ASB18: variants seen among roughly 807,000 people sequenced by gnomAD.
ASB18 encodes ankyrin repeat and SOCS box containing 18.
A neutral mutation model predicts 33.4 loss-of-function variants in ASB18; 33 were observed. The observed-to-expected ratio is 0.99, with a 90% CI of 0.75 to 1.32. ASB18 has a LOEUF of 1.32. Ranked by LOEUF, ASB18 falls within the 40% of genes most tolerant of loss-of-function variation. The pLI, the probability that ASB18 is intolerant of heterozygous loss-of-function variation, is 0.00. For synonymous variants in ASB18, 295 were observed against 307.6 expected, an observed-to-expected ratio of 0.96 and a Z score of 0.43; for missense variants, 694 against 655.5, an observed-to-expected ratio of 1.06 and a Z score of -0.64.
At position 236,238,828 on chromosome 2, in the gene ASB18, G is replaced by C. The variant is rs182406731; in HGVS notation, c.329-872C>G. 2.6e-5 allele frequency among the ~76,000 whole-genome samples: 4 copies of C among 152,304 alleles called. No homozygotes were observed. The highest frequency in any genetic ancestry group is 9.6e-5 in the African/African-American group (4 of 41,560). On this transcript the variant is annotated intron_variant, in intron 2 of 5. Coordinates refer to ENST00000409749, the MANE Select transcript of ASB18 (RefSeq NM_212556.4). This position sits in a 1 kb window ranked among gnomAD's most constrained non-coding sequence, Gnocchi z 5.2. Reference sequence around the variant, plus strand: ...GCAGGAAGGCCTTCTGATAATGATGGAAGAATCGATACTGTGGCTGTAATG... The same window carrying C: ...GCAGGAAGGCCTTCTGATAATGATGCAAGAATCGATACTGTGGCTGTAATG...
chr2:236,254,525 T>C (rs537699602), intron 1 of ASB18, among the ~76,000 whole-genome samples: 1 of 152,082 alleles, frequency 6.6e-6, no homozygotes, highest in Non-Finnish European at 1.5e-5. Context: ...TAGTTATTTC[T>C]TTAATCATAT....
In ASB18 at chr2:236,217,914, G is replaced by C. The variant is rs973379592; in HGVS notation, c.597-3048C>G. On this transcript the variant is annotated intron_variant, in intron 3 of 5. Transcript: ENST00000409749. The surrounding 1 kb of genome is among the most constrained non-coding windows in gnomAD (Gnocchi z 5.2). Reference sequence around the variant, plus strand: ...TCTGGGAGGAATTTTGAACAGTGCAGCAGGACGTTAGAAATCAAGGGTTCC... The same window carrying C: ...TCTGGGAGGAATTTTGAACAGTGCACCAGGACGTTAGAAATCAAGGGTTCC... Among the ~76,000 whole-genome samples, 3 of 152,230 alleles carry C rather than the reference G, an allele frequency of 2.0e-5. No individual in the cohort carries two copies. Among genetic ancestry groups the C allele is most frequent in the African/African-American group, 7.2e-5 (3 of 41,458 alleles).
At position 236,208,249 on chromosome 2, in the gene ASB18, C is replaced by T. The variant is rs2060443361; in HGVS notation, c.1101+6113G>A. 6.6e-6 allele frequency among the ~76,000 whole-genome samples: 1 copy of T among 152,160 alleles called. No homozygotes were observed. The highest frequency in any genetic ancestry group is 1.5e-5 in the Non-Finnish European group (1 of 68,032). ...GGCCAGCACGGTCTTCCCAGCCCAT[C>T]TCGCCAGCCCTGTCCCTCTCTGCGC... On this transcript the variant is annotated intron_variant, in intron 4 of 5. Transcript: ENST00000409749. The surrounding 1 kb of genome is among the most constrained non-coding windows in gnomAD (Gnocchi z 7.7).
rs2060710487 is a variant in ASB18 at position 236,259,953 on chromosome 2, G to A, written c.205+4188C>T. Among the ~76,000 whole-genome samples the A allele has an allele frequency of 6.6e-6, 1 of 152,138 alleles. No homozygotes were observed. The highest frequency in any genetic ancestry group is 2.4e-5 in the African/African-American group (1 of 41,414). Reference sequence around the variant, plus strand: ...CCAGAAAAAGCCCTTTCCACCATTGGATGCCACTTTTTCTCTATGCTTTTT... The same window carrying A: ...CCAGAAAAAGCCCTTTCCACCATTGAATGCCACTTTTTCTCTATGCTTTTT... On this transcript the variant is annotated intron_variant, in intron 1 of 5. Transcript: ENST00000409749. This position sits in a 1 kb window ranked among gnomAD's most constrained non-coding sequence, Gnocchi z 4.4.
At position 236,203,355 on chromosome 2, in the gene ASB18, T is replaced by C. The variant is rs2060415330; in HGVS notation, c.1102-6970A>G. On this transcript the variant is annotated intron_variant, in intron 4 of 5. Transcript: ENST00000409749. This position sits in a 1 kb window ranked among gnomAD's most constrained non-coding sequence, Gnocchi z 6.0. Reference sequence around the variant, plus strand: ...GAGAGTTCTGGGGACAAGAGTGTTCTAGGCAGAGAAAACGTATTATGCCAG... The same window carrying C: ...GAGAGTTCTGGGGACAAGAGTGTTCCAGGCAGAGAAAACGTATTATGCCAG... Among the ~76,000 whole-genome samples the C allele has an allele frequency of 1.3e-5, 2 of 152,230 alleles. No individual in the cohort carries two copies. The highest frequency in any genetic ancestry group is 6.8e-3 in the Middle Eastern group (2 of 294).
At chr2:236,218,814 A>C (rs1418093663) in intron 3 of ASB18, among the ~76,000 whole-genome samples, 1 of 149,250 alleles carries the variant, frequency 6.7e-6, no homozygotes, top group African/African-American at 2.5e-5. Flanking sequence ...AAAAAAAAAA[A>C]AAGAAAAAGA....
rs1360633509 is a variant in ASB18, at chr2:236,255,446, G to GT, written c.205+8694dup. ...GGTGTGAGCCACTGCGCCTGGCCTG[G>GT]TATTTCTTTATCACAATGCGAGAAC... On this transcript the variant is annotated intron_variant, in intron 1 of 5. Transcript: ENST00000409749. This position sits in a 1 kb window ranked among gnomAD's most constrained non-coding sequence, Gnocchi z 4.4. 6.6e-6 allele frequency among the ~76,000 whole-genome samples: 1 copy of GT among 152,124 alleles called. No homozygotes were observed. The highest frequency in any genetic ancestry group is 1.5e-5 in the Non-Finnish European group (1 of 68,016).
Position 236,253,064 on chromosome 2 carries a change from C to T in ASB18, c.205+11077G>A, listed in dbSNP as rs2060674989. Among the ~76,000 whole-genome samples the T allele has an allele frequency of 6.6e-6, 1 of 152,174 alleles. No individual in the cohort carries two copies. ...GTTAGGTGGCGTCAAGGATCCCCAC[C>T]GTCCTCGCCAGCCTGGCTTTCTAGA... On this transcript the variant is annotated intron_variant, in intron 1 of 5. Coordinates refer to ENST00000409749, the MANE Select transcript of ASB18 (RefSeq NM_212556.4). The surrounding 1 kb of genome is among the most constrained non-coding windows in gnomAD (Gnocchi z 5.4).
intron 4 of ASB18, among the ~76,000 whole-genome samples, chr2:236,207,344 C>CA (rs2106265784): frequency 6.6e-6 from 1 of 152,320 alleles, no homozygotes; most frequent in East Asian, 1.9e-4. Flanking sequence ...CTTTTCATGT[C>CA]ATTCTATTGA....
At position 236,244,794 on chromosome 2, in the gene ASB18, G is replaced by A. The variant is rs993482646; in HGVS notation, c.206-3392C>T. Among the ~76,000 whole-genome samples the A allele has an allele frequency of 2.6e-5, 4 of 152,164 alleles. No individual in the cohort carries two copies. Among genetic ancestry groups the A allele is most frequent in the African/African-American group, 7.2e-5 (3 of 41,450 alleles). On this transcript the variant is annotated intron_variant, in intron 1 of 5. Transcript: ENST00000409749. The surrounding 1 kb of genome is among the most constrained non-coding windows in gnomAD (Gnocchi z 6.1). The stretch of plus-strand genomic sequence containing the variant: ...TTCCTTACAAGAGATTGCAGCAAAG[G>A]GTGGAGTAGAAATCGAACACATTTA...
rs1381346919 is a variant in ASB18, at chr2:236,237,714, G to A, written c.571C>T (p.Leu191Phe). The A allele has an allele frequency of 6.9e-7, 1 of 1,458,690 alleles. No individual in the cohort carries two copies. The highest frequency in any genetic ancestry group is 9.0e-7 in the Non-Finnish European group (1 of 1,111,464). The allele number at this position is 1,458,690 out of a possible 1,614,324, so 90.4% of individuals were successfully genotyped here. ...LSAEGLAPLH[L>F]CRTAASLGCA... ...CCGAGCGAGGCGGCCGTGCGGCAGA[G>A]GTGCAGAGGCGCCAGGCCCTCGGCG... Residue 191 changes from leucine to phenylalanine, a missense_variant, in exon 3 of 6, where the codon CTC becomes TTC. Transcript: ENST00000409749. This position sits in a 1 kb window ranked among gnomAD's most constrained non-coding sequence, Gnocchi z 6.2.
intron 4 of ASB18, among the ~76,000 whole-genome samples, chr2:236,201,493 G>A (rs990497257): frequency 2.0e-5 from 3 of 151,984 alleles, no homozygotes; most frequent in African/African-American, 7.3e-5. Flanking sequence ...AACTGTTGAG[G>A]CAGTAGTTAT....
Position 236,194,034 on chromosome 2 carries a change from C to T in ASB18, c.*838G>A, listed in dbSNP as rs964862641. On this transcript the variant is annotated 3_prime_UTR_variant, in exon 6 of 6. Transcript: ENST00000409749. This position sits in a 1 kb window ranked among gnomAD's most constrained non-coding sequence, Gnocchi z 4.5. ...GAGTTGCTGGGGTGGACTCTGGCCACGCACGACCCTGAACTAGAATAAGCA... is the reference window on the plus strand; with the variant it reads ...GAGTTGCTGGGGTGGACTCTGGCCATGCACGACCCTGAACTAGAATAAGCA... Among the ~76,000 whole-genome samples the T allele has an allele frequency of 1.3e-5, 2 of 152,144 alleles. No individual in the cohort carries two copies. The highest frequency in any genetic ancestry group is 2.4e-5 in the African/African-American group (1 of 41,424).
At chr2:236,242,664 C>G (rs896216740) in intron 1 of ASB18, among the ~76,000 whole-genome samples, 3 of 151,938 alleles carry the variant, frequency 2.0e-5, no homozygotes, top group South Asian at 4.2e-4. Flanking sequence ...TGGGCTTTCA[C>G]CTTGTTGGCC....
intron 1 of ASB18, among the ~76,000 whole-genome samples, chr2:236,242,547 T>C (rs2060625755): frequency 6.6e-6 from 1 of 152,174 alleles, no homozygotes; most frequent in African/African-American, 2.4e-5. Context: ...CTCCACCTCC[T>C]GGGTTCAAGT....
intron 4 of ASB18, among the ~76,000 whole-genome samples, chr2:236,197,342 C>A (rs541089366): frequency 2.6e-5 from 4 of 152,006 alleles, no homozygotes; most frequent in Non-Finnish European, 4.4e-5. Context: ...CAGTTAGGGC[C>A]GATATAATGA....
At position 236,222,181 on chromosome 2, in the gene ASB18, G is replaced by A. The variant is rs767977465; in HGVS notation, c.597-7315C>T. 2.0e-5 allele frequency among the ~76,000 whole-genome samples: 3 copies of A among 152,160 alleles called. No individual in the cohort carries two copies. The highest frequency in any genetic ancestry group is 4.4e-5 in the Non-Finnish European group (3 of 68,032). On this transcript the variant is annotated intron_variant, in intron 3 of 5. Coordinates refer to ENST00000409749, the MANE Select transcript of ASB18 (RefSeq NM_212556.4). The surrounding 1 kb of genome is among the most constrained non-coding windows in gnomAD (Gnocchi z 5.5). ...GGACCTTCTGCTGAGGCTTTCCTTT[G>A]GGGATCTTCCATCTACCCCTTTCTG...
Position 236,264,273 on chromosome 2 carries a change from C to G in ASB18, c.73G>C (p.Asp25His). ...DLVKRLKSAL[D>H]AKDEERVRDL... is the part of the protein sequence containing the mutation. Reference sequence around the variant, plus strand: ...CTCACTCTCTCCTCATCTTTGGCATCCAGGGCAGACTTTAATCTCTTCACT... The same window carrying G: ...CTCACTCTCTCCTCATCTTTGGCATGCAGGGCAGACTTTAATCTCTTCACT... Residue 25 changes from aspartate (D) to histidine (H), a missense_variant, in exon 1 of 6, where the codon GAT becomes CAT. Asp to His is a moderately conservative substitution (Grantham distance 81, BLOSUM62 -1). Coordinates refer to ENST00000409749, the MANE Select transcript of ASB18 (RefSeq NM_212556.4). The surrounding 1 kb of genome is among the most constrained non-coding windows in gnomAD (Gnocchi z 5.1). 1 of 1,614,006 alleles carries G rather than the reference C, an allele frequency of 6.2e-7. No individual in the cohort carries two copies. Among genetic ancestry groups the G allele is most frequent in the South Asian group, 1.1e-5 (1 of 91,086 alleles).
chr2:236,231,853 C>T lies in ASB18; in HGVS notation c.596+5836G>A, dbSNP rs1249503030. Among the ~76,000 whole-genome samples the T allele has an allele frequency of 1.3e-5, 2 of 152,216 alleles. No individual in the cohort carries two copies. The highest frequency in any genetic ancestry group is 4.8e-5 in the African/African-American group (2 of 41,456). On this transcript the variant is annotated intron_variant, in intron 3 of 5. Coordinates refer to ENST00000409749, the MANE Select transcript of ASB18 (RefSeq NM_212556.4). This position sits in a 1 kb window ranked among gnomAD's most constrained non-coding sequence, Gnocchi z 5.5. ...TACCTAATAATAGAGCTTCAAATTA[C>T]TTGAAACAAAAACTGACAGAACTGC...
Sources: allele counts gnomAD v4.1 joint callset (sites outside exome capture counted in the v4.1 genomes callset), GRCh38; gene constraint gnomAD v4.1.1; non-coding constraint Gnocchi (gnomAD v3.1); transcripts MANE v1.5; gene names NCBI Gene and HGNC (gene_info 2026-07-23, HGNC 2026-07-21).